Variants in NCKAP5 observed in about 807,000 individuals in gnomAD.
NCKAP5 encodes the protein nck-associated protein 5.
Under a neutral mutation model 167.0 loss-of-function variants are expected in NCKAP5, and 92 were observed. That is an observed-to-expected ratio of 0.55 (90% confidence interval 0.47 to 0.66). The LOEUF (loss-of-function observed/expected upper bound fraction) is 0.66. NCKAP5 is among the 30% of genes least tolerant of loss of function. NCKAP5 has a pLI of 0.00. For missense variants in NCKAP5, 2,378 were observed against 2,315.0 expected, an observed-to-expected ratio of 1.03 and a Z score of -0.56; for synonymous variants, 891 against 877.4, an observed-to-expected ratio of 1.02 and a Z score of -0.27.
intron 9 of NCKAP5, 109 bp from the exon 10 acceptor site, chr2:132,869,083 C>T: frequency 1.5e-6 from 1 of 675,658 alleles, no homozygotes; most frequent in Non-Finnish European, 2.4e-6. Flanking sequence ...ATTAGCTCCT[C>T]ATTTGCCTCT....
At chr2:132,701,347 G>A (rs1490265540) in intron 19 of NCKAP5, among the ~76,000 whole-genome samples, 2 of 151,954 alleles carry the variant, frequency 1.3e-5, no homozygotes, top group African/African-American at 2.4e-5. Flanking sequence ...TACTTATTTG[G>A]TCTCTGGTCT....
chr2:133,120,471 C>G (rs1322574564), intron 6 of NCKAP5, among the ~76,000 whole-genome samples: 1 of 152,140 alleles, frequency 6.6e-6, no homozygotes, highest in African/African-American at 2.4e-5. Flanking sequence ...GTAATCAGAA[C>G]AACAATCTAT....
intron 4 of NCKAP5, among the ~76,000 whole-genome samples, chr2:133,246,430 C>A (rs2087996153): frequency 1.3e-5 from 2 of 152,088 alleles, no homozygotes; most frequent in South Asian, 4.1e-4. Flanking sequence ...AACCCATTTT[C>A]CCTAAAAGTG....
chr2:133,383,672 G>T (rs1446422898), intron 3 of NCKAP5, among the ~76,000 whole-genome samples: 2 of 152,202 alleles, frequency 1.3e-5, no homozygotes, highest in African/African-American at 4.8e-5. Flanking sequence ...CTAGTTTACA[G>T]TCCCACCAAC....
intron 5 of NCKAP5, among the ~76,000 whole-genome samples, chr2:133,206,520 T>C (rs2085960287): frequency 6.6e-6 from 1 of 152,222 alleles, no homozygotes; most frequent in Non-Finnish European, 1.5e-5. Context: ...AATCCTATTA[T>C]CTTTGTAAGC....
chr2:133,295,832 G>A (rs914117306), intron 4 of NCKAP5, among the ~76,000 whole-genome samples: 8 of 152,196 alleles, frequency 5.3e-5, no homozygotes, highest in Admixed American at 1.3e-4. Flanking sequence ...TCTGGAATCC[G>A]TGGTTGGTAG....
intron 4 of NCKAP5, among the ~76,000 whole-genome samples, chr2:133,270,282 G>C (rs1233393536): frequency 6.6e-6 from 1 of 152,084 alleles, no homozygotes; most frequent in Non-Finnish European, 1.5e-5. Flanking sequence ...AAAAATTGGT[G>C]AATTTTATTG....
At chr2:133,344,501 G>C (rs567540607) in intron 3 of NCKAP5, among the ~76,000 whole-genome samples, 1 of 152,096 alleles carries the variant, frequency 6.6e-6, no homozygotes, top group South Asian at 2.1e-4. Context: ...CGAGCACAGA[G>C]GAAGCACTGC....
intron 6 of NCKAP5, chr2:133,117,720 T>C (rs563699152): frequency 1.3e-5 from 2 of 152,198 alleles, no homozygotes; most frequent in Non-Finnish European, 2.9e-5. Context: ...TTGACAATAA[T>C]GTGAATTGCT....
intron 10 of NCKAP5, among the ~76,000 whole-genome samples, chr2:132,863,123 C>T (rs933113894): frequency 6.6e-6 from 1 of 152,164 alleles, no homozygotes; most frequent in Non-Finnish European, 1.5e-5. Context: ...CCCGGCAAAA[C>T]TTGCTTTCTT....
chr2:132,757,351 C>G (rs1159250064), intron 16 of NCKAP5, among the ~76,000 whole-genome samples: 1 of 152,196 alleles, frequency 6.6e-6, no homozygotes, highest in East Asian at 1.9e-4. Context: ...TCTTTAGAAG[C>G]AGTAAGCCTT....
intron 6 of NCKAP5, among the ~76,000 whole-genome samples, chr2:133,000,313 T>A (rs2077736251): frequency 6.6e-6 from 1 of 152,138 alleles, no homozygotes; most frequent in African/African-American, 2.4e-5. Context: ...TGCAGTTAAA[T>A]TAGAAAGAGG....
At chr2:133,149,347 G>A (rs1174137303) in intron 5 of NCKAP5, among the ~76,000 whole-genome samples, 6 of 152,048 alleles carry the variant, frequency 3.9e-5, no homozygotes, top group African/African-American at 1.4e-4. Flanking sequence ...TACATAATGG[G>A]TTTAGTTAAT....
chr2:133,367,451 TA>T (rs1352266567), intron 3 of NCKAP5, among the ~76,000 whole-genome samples: 1 of 152,212 alleles, frequency 6.6e-6, no homozygotes, highest in African/African-American at 2.4e-5. Context: ...AATATAAGTT[TA>T]AAAACCACTA....
At chr2:133,634,691 G>A in the NCKAP5 span, among the ~76,000 whole-genome samples, 1 of 152,096 alleles carries the variant, frequency 6.6e-6, no homozygotes, top group Non-Finnish European at 1.5e-5. Context: ...TGACAGTGGA[G>A]CCGACATAGG....
intron 3 of NCKAP5, among the ~76,000 whole-genome samples, chr2:133,326,009 A>G (rs1053103950): frequency 1.3e-5 from 2 of 152,234 alleles, no homozygotes; most frequent in African/African-American, 2.4e-5. Flanking sequence ...TAGAGGGCCA[A>G]TAATGATGCT....
intron 6 of NCKAP5, among the ~76,000 whole-genome samples, chr2:133,100,222 T>C (rs1001993439): frequency 6.6e-6 from 1 of 152,216 alleles, no homozygotes; most frequent in African/African-American, 2.4e-5. Context: ...AGGTAAGCTA[T>C]GGTCAACCAC....
At chr2:133,116,062 T>C (rs951297971) in intron 6 of NCKAP5, among the ~76,000 whole-genome samples, 1 of 151,804 alleles carries the variant, frequency 6.6e-6, no homozygotes, top group African/African-American at 2.4e-5. Flanking sequence ...TCTCCAATTG[T>C]TAAGGGTTCA....
intron 4 of NCKAP5, among the ~76,000 whole-genome samples, chr2:133,284,988 C>T (rs62180003): frequency 0.14 from 21,361 of 152,140 alleles, 1,499 homozygotes; most frequent in South Asian, 0.16. Context: ...GGAATGTGAG[C>T]CTAATTACAT....
Sources: gnomAD v4.1 joint callset for allele counts (sites outside exome capture counted in the v4.1 genomes callset) on GRCh38, gnomAD v4.1.1 for gene constraint, MANE v1.5 for transcripts, NCBI Gene and HGNC (gene_info 2026-07-23, HGNC 2026-07-21) for gene names.